The following CCDC126 variants were observed in gnomAD, a reference collection of about 807,000 sequenced individuals.
CCDC126 encodes the protein coiled-coil domain containing 126, also known as coiled-coil domain-containing protein 126.
A neutral mutation model predicts 11.7 loss-of-function variants in CCDC126; 5 were observed. The observed-to-expected ratio is 0.43, with a 90% CI of 0.22 to 0.90. CCDC126 has a LOEUF of 0.90. Ranked by LOEUF, CCDC126 falls within the 40% of genes least tolerant of loss-of-function variation. CCDC126 has a pLI of 0.27. For synonymous variants in CCDC126, 60 were observed against 61.9 expected (o/e 0.97, Z 0.14); for missense variants, 150 against 163.1 (o/e 0.92, Z 0.44).
At chr7:23,601,175 A>G (rs954537809) in intron 2 of CCDC126, among the ~76,000 whole-genome samples, 2 of 152,146 alleles carry the variant, frequency 1.3e-5, no homozygotes, top group African/African-American at 4.8e-5. Context: ...CCTGAGCTCA[A>G]GAGTTTGAGA....
chr7:23,625,013 TTTG>T (rs1201783545), intron 3 of CCDC126, among the ~76,000 whole-genome samples: 4 of 152,076 alleles, frequency 2.6e-5, no homozygotes, highest in Admixed American at 6.6e-5. Context: ...GGGCTAATTT[TTTG>T]TTGTTGTTGT....
intron 3 of CCDC126, among the ~76,000 whole-genome samples, chr7:23,630,180 A>G (rs187190022): frequency 5.3e-4 from 80 of 152,336 alleles, no homozygotes; most frequent in African/African-American, 1.9e-3. Context: ...TGACATTCCA[A>G]CAATAGTGGA....
intron 3 of CCDC126, among the ~76,000 whole-genome samples, chr7:23,630,083 AAAGAC>A (rs1783083051): frequency 6.6e-6 from 1 of 152,264 alleles, no homozygotes; most frequent in African/African-American, 2.4e-5. Context: ...CTTACCTATG[AAAGAC>A]AAGTTTTAAA....
chr7:23,601,762 C>T (rs1782549131), intron 2 of CCDC126: 1 of 152,130 alleles, frequency 6.6e-6, no homozygotes, highest in Non-Finnish European at 1.5e-5. Flanking sequence ...CTCATTGAAA[C>T]CTGGCACTCC....
At chr7:23,635,967 C>G (rs1475470249) in intron 3 of CCDC126, among the ~76,000 whole-genome samples, 2 of 152,144 alleles carry the variant, frequency 1.3e-5, no homozygotes. Context: ...CATCTCGGCT[C>G]ACTGCAACCT....
At chr7:23,605,544 C>T (rs1006578373) in intron 2 of CCDC126, among the ~76,000 whole-genome samples, 3 of 152,144 alleles carry the variant, frequency 2.0e-5, no homozygotes, top group African/African-American at 7.2e-5. Context: ...TCACTACCAT[C>T]CATCTCCAGA....
chr7:23,638,743 A>C (rs1193958237), intron 3 of CCDC126, among the ~76,000 whole-genome samples: 10 of 140,458 alleles, frequency 7.1e-5, no homozygotes, highest in South Asian at 2.2e-4. Flanking sequence ...AAAAAAAAAA[A>C]AAACCAAAAA....
chr7:23,604,078 C>T (rs555558704), intron 2 of CCDC126: 1 of 152,328 alleles, frequency 6.6e-6, no homozygotes, highest in East Asian at 1.9e-4. Context: ...TACCTCGTCT[C>T]CTTTCAGACT....
chr7:23,599,094 G>A (rs947956390), intron 2 of CCDC126, among the ~76,000 whole-genome samples: 1 of 152,142 alleles, frequency 6.6e-6, no homozygotes, highest in South Asian at 2.1e-4. Flanking sequence ...GAACAAGAAA[G>A]CTGCCAGAAA....
At chr7:23,610,092 TA>T (rs1209385148) in intron 2 of CCDC126, among the ~76,000 whole-genome samples, 3 of 152,236 alleles carry the variant, frequency 2.0e-5, no homozygotes, top group Admixed American at 1.3e-4. Flanking sequence ...TTCTGTGTTT[TA>T]AAAACTTGAA....
rs539066772 is a variant in CCDC126 at position 23,629,010 on chromosome 7, C to T, written c.239-13921C>T. Among the ~76,000 whole-genome samples the T allele has an allele frequency of 2.6e-5, 4 of 152,294 alleles. 1 individual carries two copies. Among genetic ancestry groups the T allele is most frequent in the South Asian group, 4.1e-4 (2 of 4,822 alleles). On this transcript the variant is annotated intron_variant, in intron 3 of 3. Transcript: ENST00000307471. ...CCTGCCAGAGTGGTGTTAGAGAAAA[C>T]CACCTAAAACAGGAGGTTTAAATAA...
At position 23,638,628 on chromosome 7, in the gene CCDC126, T is replaced by G. The variant is rs1249633816; in HGVS notation, c.239-4303T>G. Among the ~76,000 whole-genome samples the G allele has an allele frequency of 1.8e-3, 221 of 124,388 alleles. 1 individual carries two copies. Among genetic ancestry groups the G allele is most frequent in the African/African-American group, 6.5e-3 (201 of 31,128 alleles). The allele number at this position is 124,388 out of a possible 152,430, so 81.6% of individuals were successfully genotyped here. On this transcript the variant is annotated intron_variant, in intron 3 of 3. Transcript: ENST00000307471. ...AGGAAAACCAGAGACCTTTGTTCAC[T>G]TGTTTATCTGCTGACCTTCCCTCCA...
chr7:23,621,910 C>A (rs568308391), intron 3 of CCDC126, among the ~76,000 whole-genome samples: 1 of 152,284 alleles, frequency 6.6e-6, no homozygotes, highest in South Asian at 2.1e-4. Context: ...TTGAACCAGG[C>A]TTGCATCCCA....
intron 3 of CCDC126, among the ~76,000 whole-genome samples, chr7:23,631,758 C>G (rs1210240886): frequency 6.7e-6 from 1 of 150,062 alleles, no homozygotes; most frequent in Non-Finnish European, 1.5e-5. Context: ...GAGACCCTGT[C>G]TCAAAAAAAA....
intron 3 of CCDC126, among the ~76,000 whole-genome samples, chr7:23,638,003 A>G (rs1229664899): frequency 9.7e-6 from 1 of 102,738 alleles, no homozygotes; most frequent in African/African-American, 3.5e-5. Context: ...CGCCCTATCC[A>G]GGAGGTGAGG....
In CCDC126 at chr7:23,642,984, G is replaced by T. The variant is rs1413877958; in HGVS notation, c.292G>T (p.Val98Leu). ...VLLDDILQRL[V>L]KLENKVDYIV... ...TCTGGATGACATTTTGCAACGATTG[G>T]TGAAGCTGGAGAACAAAGTTGACTA... The change falls in exon 4 of 4, where the codon GTG becomes TTG. Residue 98 changes from valine (V) to leucine (L), a missense_variant. By Grantham distance (32) the Val-to-Leu change is conservative. Transcript: ENST00000307471. 1.2e-6 allele frequency: 2 copies of T among 1,614,088 alleles called. No individual in the cohort carries two copies.
chr7:23,621,173 A>G (rs917196271), intron 3 of CCDC126, among the ~76,000 whole-genome samples: 1 of 152,352 alleles, frequency 6.6e-6, no homozygotes, highest in South Asian at 2.1e-4. Context: ...CTTGGCCAGT[A>G]TGGCCATTTT....
In CCDC126 at chr7:23,608,013, G is replaced by T. The variant is rs539553696; in HGVS notation, c.-145-3158G>T. On this transcript the variant is annotated intron_variant, in intron 2 of 3. Transcript: ENST00000307471. ...GGAATTTATGCTGAGCAGGGTGGCCGAATATACATATTTAATAAGTTTAAG... is the reference window on the plus strand; with the variant it reads ...GGAATTTATGCTGAGCAGGGTGGCCTAATATACATATTTAATAAGTTTAAG... Among the ~76,000 whole-genome samples, 415 of 152,302 alleles carry T rather than the reference G, an allele frequency of 2.7e-3. 1 individual carries two copies. Among genetic ancestry groups the T allele is most frequent in the African/African-American group, 9.6e-3 (400 of 41,560 alleles).
At chr7:23,617,380 G>GAAAA (rs1782813882) in intron 3 of CCDC126, among the ~76,000 whole-genome samples, 1 of 142,458 alleles carries the variant, frequency 7.0e-6, no homozygotes, top group Non-Finnish European at 1.5e-5. Flanking sequence ...AAAAAGAAAA[G>GAAAA]GAAAAAAAAA....
Sources: allele counts gnomAD v4.1 joint callset (sites outside exome capture counted in the v4.1 genomes callset), GRCh38; gene constraint gnomAD v4.1.1; transcripts MANE v1.5; gene names NCBI Gene and HGNC (gene_info 2026-07-23, HGNC 2026-07-21).